The following ANTXR1 variants were observed in gnomAD, a reference collection of about 807,000 sequenced individuals.
The protein encoded by ANTXR1 is anthrax toxin receptor 1.
ANTXR1 carries 19 observed loss-of-function variants against 78.1 expected under a neutral mutation model. The ratio of observed to expected loss-of-function variants is 0.24; its 90% confidence interval spans 0.17 to 0.36. ANTXR1 has a LOEUF of 0.36. ANTXR1 is among the 10% of genes least tolerant of loss of function. The pLI is 1.00. For synonymous variants in ANTXR1, 273 were observed against 260.5 expected (o/e 1.05, Z -0.46); for missense variants, 518 against 718.6 (o/e 0.72, Z 3.19).
rs74800245 is a variant in ANTXR1, at chr2:69,016,223, T to C, written c.152+2572T>C. On this transcript the variant is annotated intron_variant, in intron 1 of 17. Transcript: ENST00000303714. Reference sequence around the variant, plus strand: ...GCACTTGAAATGTAGTTAGTGCGATTGAGGAAGTGAATTTTTAATTTTATA... The same window carrying C: ...GCACTTGAAATGTAGTTAGTGCGATCGAGGAAGTGAATTTTTAATTTTATA... 8.1e-3 allele frequency among the ~76,000 whole-genome samples: 1,231 copies of C among 152,316 alleles called. 15 individuals carry two copies. The highest frequency in any genetic ancestry group is 0.028 in the African/African-American group (1,152 of 41,576).
At chr2:69,181,962 C>A in intron 15 of ANTXR1, 81 bp downstream of exon 15, 1 of 1,370,788 alleles carries the variant, frequency 7.3e-7, no homozygotes, top group Non-Finnish European at 1.0e-6. Flanking sequence ...CCCTGCTTAG[C>A]CTCTAGATAT....
At chr2:69,050,508 A>G (rs1461286672) in intron 3 of ANTXR1, among the ~76,000 whole-genome samples, 1 of 150,676 alleles carries the variant, frequency 6.6e-6, no homozygotes, top group Non-Finnish European at 1.5e-5. Flanking sequence ...AACGGATTAC[A>G]TGAGCTTGGA....
At chr2:69,220,014 T>C (rs1476408192) in intron 17 of ANTXR1, among the ~76,000 whole-genome samples, 1 of 152,226 alleles carries the variant, frequency 6.6e-6, no homozygotes, top group Non-Finnish European at 1.5e-5. Flanking sequence ...GACAGTATCT[T>C]TTTGCATTTT....
At chr2:69,182,810 C>G (rs1674311153) in intron 16 of ANTXR1, 150 bp downstream of exon 16, 1 of 982,248 alleles carries the variant, frequency 1.0e-6, no homozygotes, top group Admixed American at 2.3e-5. Context: ...CTTGAAAGTA[C>G]TAGTAATTAC....
chr2:69,042,519 A>G (rs985040968), intron 2 of ANTXR1, among the ~76,000 whole-genome samples: 1 of 151,866 alleles, frequency 6.6e-6, no homozygotes, highest in African/African-American at 2.4e-5. Flanking sequence ...ATTTTTCTCT[A>G]CCTTTCCCCT....
intron 3 of ANTXR1, among the ~76,000 whole-genome samples, chr2:69,067,788 G>T (rs897279775): frequency 6.6e-6 from 1 of 152,172 alleles, no homozygotes; most frequent in African/African-American, 2.4e-5. Context: ...GCTGCCCCCT[G>T]CCTGGGGATT....
At chr2:69,189,997 G>A (rs1409542674) in intron 16 of ANTXR1, among the ~76,000 whole-genome samples, 2 of 152,198 alleles carry the variant, frequency 1.3e-5, no homozygotes, top group African/African-American at 4.8e-5. Flanking sequence ...GTTGCCGGCA[G>A]ATAGGTGGAA....
At chr2:69,147,640 T>C (rs1261381821) in intron 12 of ANTXR1, among the ~76,000 whole-genome samples, 1 of 152,264 alleles carries the variant, frequency 6.6e-6, no homozygotes, top group Non-Finnish European at 1.5e-5. Flanking sequence ...GTTATAAATC[T>C]GAAGTTATAG....
intron 9 of ANTXR1, among the ~76,000 whole-genome samples, chr2:69,098,088 G>C (rs556507556): frequency 6.6e-6 from 1 of 152,194 alleles, no homozygotes; most frequent in Non-Finnish European, 1.5e-5. Flanking sequence ...GGGAGTGGAG[G>C]TAGGGAGGGC....
At chr2:69,106,672 A>G (rs1002456055) in intron 10 of ANTXR1, among the ~76,000 whole-genome samples, 5 of 152,166 alleles carry the variant, frequency 3.3e-5, no homozygotes, top group Non-Finnish European at 5.9e-5. Flanking sequence ...AAGTCAAGAA[A>G]CTAGCCCCAA....
chr2:69,031,924 T>A (rs943956352), intron 1 of ANTXR1, among the ~76,000 whole-genome samples: 2 of 152,224 alleles, frequency 1.3e-5, no homozygotes, highest in East Asian at 3.8e-4. Context: ...GATGGATGTC[T>A]CCGACTGACC....
chr2:69,103,365 T>C (rs1671693600), intron 10 of ANTXR1: 1 of 279,960 alleles, frequency 3.6e-6, no homozygotes. Flanking sequence ...GTATTGGGAC[T>C]CTTAAGGGTA....
At chr2:69,069,748 C>T (rs575074234) in intron 3 of ANTXR1, among the ~76,000 whole-genome samples, 50 of 152,276 alleles carry the variant, frequency 3.3e-4, no homozygotes, top group Middle Eastern at 3.4e-3. Context: ...TTGTATATAG[C>T]GGATGCTCAA....
At chr2:69,101,870 T>C (rs1671632961) in intron 9 of ANTXR1, among the ~76,000 whole-genome samples, 1 of 152,232 alleles carries the variant, frequency 6.6e-6, no homozygotes, top group African/African-American at 2.4e-5. Context: ...CACTGACCAT[T>C]AGATACCAAC....
At chr2:69,112,090 C>T (rs959653019) in intron 10 of ANTXR1, among the ~76,000 whole-genome samples, 6 of 152,240 alleles carry the variant, frequency 3.9e-5, no homozygotes, top group East Asian at 1.9e-4. Flanking sequence ...AATGAAGAGA[C>T]GTAAAGGAGC....
chr2:69,124,276 G>A (rs995482851), intron 11 of ANTXR1, among the ~76,000 whole-genome samples: 1 of 152,210 alleles, frequency 6.6e-6, no homozygotes, highest in Non-Finnish European at 1.5e-5. Context: ...AGTAAGCTTT[G>A]CCCATTCAAT....
chr2:69,173,692 T>C lies in ANTXR1; in HGVS notation c.1089+3403T>C, dbSNP rs558015274. Among the ~76,000 whole-genome samples the C allele has an allele frequency of 2.0e-5, 3 of 152,342 alleles. No homozygotes were observed. The East Asian group carries it at 5.8e-4, about 29-fold the overall frequency. On this transcript the variant is annotated intron_variant, in intron 14 of 17. Coordinates refer to ENST00000303714, the MANE Select transcript of ANTXR1 (RefSeq NM_032208.3). The stretch of plus-strand genomic sequence containing the variant: ...CAACATCTGCCACTTTTACAGGCTC[T>C]CAAAGATCCTATCGTTCCCAATATC...
intron 1 of ANTXR1, among the ~76,000 whole-genome samples, chr2:69,028,363 G>A (rs1317716927): frequency 6.6e-6 from 1 of 152,068 alleles, no homozygotes; most frequent in Non-Finnish European, 1.5e-5. Flanking sequence ...TGGTACCTGC[G>A]AAGGCTCTGA....
chr2:69,148,906 G>A (rs1422035588), intron 12 of ANTXR1, among the ~76,000 whole-genome samples: 1 of 152,148 alleles, frequency 6.6e-6, no homozygotes, highest in Admixed American at 6.5e-5. Flanking sequence ...AATCAATCCT[G>A]TATTTCCTGG....
Sources: allele counts gnomAD v4.1 joint callset (sites outside exome capture counted in the v4.1 genomes callset), GRCh38; gene constraint gnomAD v4.1.1; transcripts MANE v1.5; gene names NCBI Gene and HGNC (gene_info 2026-07-23, HGNC 2026-07-21).